The following LINGO2 variants were observed in gnomAD, a reference collection of about 807,000 sequenced individuals.
LINGO2 encodes leucine-rich repeat and immunoglobulin-like domain-containing nogo receptor-interacting protein 2.
In LINGO2, 14 loss-of-function variants were observed where a neutral mutation model predicts 30.6. The observed-to-expected ratio is 0.46, with a 90% CI of 0.30 to 0.72. The LOEUF is 0.72. LINGO2 is among the 30% of genes least tolerant of loss of function. The pLI is 0.07. For missense variants in LINGO2, 729 were observed against 751.7 expected (o/e 0.97, Z 0.35); for synonymous variants, 317 against 288.5 (o/e 1.10, Z -1.00).
At chr9:28,249,707 G>T (rs1436801952) in intron 4 of LINGO2, among the ~76,000 whole-genome samples, 1 of 152,122 alleles carries the variant, frequency 6.6e-6, no homozygotes, top group East Asian at 1.9e-4. Context: ...AAGCATGCAT[G>T]AATAATTATT....
the LINGO2 span, among the ~76,000 whole-genome samples, chr9:29,085,281 TAAAAAAAAAAAAAAAA>T: frequency 1.1e-3 from 87 of 77,056 alleles, no homozygotes; most frequent in African/African-American, 3.1e-3. Flanking sequence ...CTATGGTAAG[TAAAAAAAAAAAAAAAA>T]AAAAAAAAAA....
intron 3 of LINGO2, among the ~76,000 whole-genome samples, chr9:28,333,330 T>C (rs891319817): frequency 6.6e-6 from 1 of 152,170 alleles, no homozygotes; most frequent in African/African-American, 2.4e-5. Flanking sequence ...CCTTTCAGTG[T>C]AAGGGTAATG....
chr9:28,277,540 A>C (rs1823159404), intron 4 of LINGO2, among the ~76,000 whole-genome samples: 1 of 152,180 alleles, frequency 6.6e-6, no homozygotes, highest in African/African-American at 2.4e-5. Context: ...GCAGTAGCTC[A>C]TGACTGTAAT....
In LINGO2 at chr9:28,606,282, C is replaced by T. The variant is rs975103554; in HGVS notation, c.-365+63918G>A. On this transcript the variant is annotated intron_variant, in intron 1 of 5. Transcript: ENST00000379992. The stretch of plus-strand genomic sequence containing the variant: ...CACATCTAAAACAGCTACTATAATA[C>T]TTTTAATGTCAGAAAAGTCACTGTG... Among the ~76,000 whole-genome samples the T allele has an allele frequency of 2.0e-5, 3 of 151,910 alleles. No individual in the cohort carries two copies. The South Asian group carries it at 6.2e-4, about 31-fold the overall frequency.
At chr9:28,819,000 G>A in the LINGO2 span, among the ~76,000 whole-genome samples, 1 of 152,052 alleles carries the variant, frequency 6.6e-6, no homozygotes, top group Non-Finnish European at 1.5e-5. Context: ...TAAATACATA[G>A]TTTTGTTGTT....
intron 4 of LINGO2, among the ~76,000 whole-genome samples, chr9:28,163,816 T>C (rs1828353969): frequency 6.6e-6 from 1 of 152,192 alleles, no homozygotes; most frequent in South Asian, 2.1e-4. Context: ...CCAACTTGCC[T>C]ATTTACAGTT....
At chr9:28,003,366 G>T (rs534989355) in intron 5 of LINGO2, among the ~76,000 whole-genome samples, 17 of 145,238 alleles carry the variant, frequency 1.2e-4, no homozygotes, top group African/African-American at 4.5e-4. Context: ...TAGATAGATA[G>T]ATAGATAGAT....
the LINGO2 span, among the ~76,000 whole-genome samples, chr9:29,165,240 C>A: frequency 6.6e-6 from 1 of 152,074 alleles, no homozygotes; most frequent in Non-Finnish European, 1.5e-5. Flanking sequence ...AAATATTTTC[C>A]CAAACTTATT....
At chr9:28,013,175 T>TA (rs1382686478) in intron 4 of LINGO2, among the ~76,000 whole-genome samples, 1 of 152,214 alleles carries the variant, frequency 6.6e-6, no homozygotes, top group Non-Finnish European at 1.5e-5. Context: ...TTAGGGATGA[T>TA]AAAAGACATT....
chr9:28,569,260 G>A (rs1472040534), intron 1 of LINGO2, among the ~76,000 whole-genome samples: 1 of 151,816 alleles, frequency 6.6e-6, no homozygotes, highest in Non-Finnish European at 1.5e-5. Flanking sequence ...ATACACTTCC[G>A]TATGATCCAG....
the LINGO2 span, among the ~76,000 whole-genome samples, chr9:28,845,531 A>T: frequency 1.3e-5 from 2 of 151,904 alleles, no homozygotes; most frequent in Non-Finnish European, 2.9e-5. Context: ...AATTGTAGCC[A>T]ATAGTTCCAA....
chr9:28,148,387 T>G lies in LINGO2; in HGVS notation c.-86-135982A>C. On this transcript the variant is annotated intron_variant, in intron 4 of 5. Coordinates refer to ENST00000379992, the Ensembl canonical transcript of LINGO2. The surrounding 1 kb of genome is among the most constrained non-coding windows in gnomAD (Gnocchi z 5.1). ...TCAGAGGCAAGTTTAACCTTCAACT[T>G]CCTTCATTAGATGAGCAGGTGATCC... 8.3e-7 allele frequency: 1 copy of G among 1,202,252 alleles called. No individual in the cohort carries two copies. The allele number at this position is 1,202,252 out of a possible 1,614,324, so 74.5% of individuals were successfully genotyped here.
Position 28,329,485 on chromosome 9 carries a change from C to T in LINGO2, c.-245-34119G>A, listed in dbSNP as rs1184565954. 2.0e-5 allele frequency among the ~76,000 whole-genome samples: 3 copies of T among 152,128 alleles called. No individual in the cohort carries two copies. The highest frequency in any genetic ancestry group is 4.4e-5 in the Non-Finnish European group (3 of 68,022). Reference sequence around the variant, plus strand: ...TCTTGTCATGTATATACAAGTTTTGCTCCTGTTCAATCTAAAATGCTCATG... The same window carrying T: ...TCTTGTCATGTATATACAAGTTTTGTTCCTGTTCAATCTAAAATGCTCATG... On this transcript the variant is annotated intron_variant, in intron 3 of 5. Coordinates refer to ENST00000379992, the Ensembl canonical transcript of LINGO2. The surrounding 1 kb of genome is among the most constrained non-coding windows in gnomAD (Gnocchi z 4.5).
At position 28,551,747 on chromosome 9, in the gene LINGO2, A is replaced by G. The variant is rs1017706827; in HGVS notation, c.-364-75722T>C. Among the ~76,000 whole-genome samples, 7 of 152,028 alleles carry G rather than the reference A, an allele frequency of 4.6e-5. No individual in the cohort carries two copies. In the East Asian group the frequency reaches 1.3e-3, roughly 29 times the overall value. On this transcript the variant is annotated intron_variant, in intron 1 of 5. Coordinates refer to ENST00000379992, the Ensembl canonical transcript of LINGO2. ...TGGATGGGGAAGGGATGATTTAGAC[A>G]CTGTATATTGACATTCTATTTTGGA...
the LINGO2 span, among the ~76,000 whole-genome samples, chr9:28,994,423 C>T: frequency 3.0e-4 from 46 of 151,962 alleles, no homozygotes; most frequent in African/African-American, 9.7e-4. Context: ...GAATCAATAT[C>T]GTGAAAATGG....
chr9:28,776,605 C>T, the LINGO2 span, among the ~76,000 whole-genome samples: 1 of 152,110 alleles, frequency 6.6e-6, no homozygotes, highest in Non-Finnish European at 1.5e-5. Flanking sequence ...TGCATTCTCC[C>T]TCTCTCTATT....
chr9:28,997,997 T>C, the LINGO2 span, among the ~76,000 whole-genome samples: 95 of 151,972 alleles, frequency 6.3e-4, 1 homozygote, highest in African/African-American at 2.2e-3. Context: ...TACAAGAGAG[T>C]AAAGTAAAGA....
intron 4 of LINGO2, among the ~76,000 whole-genome samples, chr9:28,229,718 A>T (rs1821292638): frequency 6.6e-6 from 1 of 151,858 alleles, no homozygotes; most frequent in Non-Finnish European, 1.5e-5. Flanking sequence ...AAAATTTAAC[A>T]TATTGGCTTT....
intron 4 of LINGO2, among the ~76,000 whole-genome samples, chr9:28,171,249 G>GA (rs1336078609): frequency 6.6e-6 from 1 of 152,158 alleles, no homozygotes; most frequent in Admixed American, 6.5e-5. Context: ...TGAAGAAACT[G>GA]AAAAACCCAG....
Sources: allele counts gnomAD v4.1 joint callset (sites outside exome capture counted in the v4.1 genomes callset), GRCh38; gene constraint gnomAD v4.1.1; non-coding constraint Gnocchi (gnomAD v3.1); transcripts MANE v1.5; gene names NCBI Gene and HGNC (gene_info 2026-07-23, HGNC 2026-07-21).